Variants in USH2A observed in about 807,000 individuals in gnomAD.
The protein encoded by USH2A is Usher syndrome 2A (autosomal recessive, mild).
In USH2A, 443 loss-of-function variants were observed where a neutral mutation model predicts 538.9. The ratio of observed to expected loss-of-function variants is 0.82; its 90% confidence interval spans 0.76 to 0.89. USH2A has a LOEUF of 0.89. USH2A is among the 40% of genes least tolerant of loss of function. USH2A has a pLI of 0.00. For synonymous variants in USH2A, 2,413 were observed against 2,273.5 expected, an observed-to-expected ratio of 1.06 and a Z score of -1.75; for missense variants, 6,633 against 6,324.8, an observed-to-expected ratio of 1.05 and a Z score of -1.65.
chr1:216,037,691 CTTTTA>C (rs1201951154), intron 32 of USH2A, among the ~76,000 whole-genome samples: 3 of 151,778 alleles, frequency 2.0e-5, no homozygotes, highest in Admixed American at 6.6e-5. Flanking sequence ...TTTTTTTTAA[CTTTTA>C]TTTTAAGTTT....
At chr1:216,282,640 G>A (rs1402968616) in intron 11 of USH2A, among the ~76,000 whole-genome samples, 2 of 152,120 alleles carry the variant, frequency 1.3e-5, no homozygotes, top group Non-Finnish European at 2.9e-5. Context: ...AGTAAATTTT[G>A]AAATTGGGAA....
At chr1:216,144,831 A>G (rs1186294811) in intron 21 of USH2A, among the ~76,000 whole-genome samples, 1 of 152,170 alleles carries the variant, frequency 6.6e-6, no homozygotes, top group South Asian at 2.1e-4. Context: ...TCTGTCCCTA[A>G]CCCTGAGTCC....
intron 14 of USH2A, among the ~76,000 whole-genome samples, chr1:216,228,108 G>T (rs985726904): frequency 3.9e-5 from 6 of 152,172 alleles, no homozygotes; most frequent in Non-Finnish European, 8.8e-5. Flanking sequence ...GTTATGTGAG[G>T]CTTCCAGGGT....
intron 9 of USH2A, among the ~76,000 whole-genome samples, chr1:216,319,252 G>C (rs1392555617): frequency 6.6e-6 from 1 of 152,142 alleles, no homozygotes; most frequent in African/African-American, 2.4e-5. Flanking sequence ...AAAGAAGACA[G>C]TAGAAAAATA....
At chr1:216,336,260 T>A (rs2037972193) in intron 4 of USH2A, among the ~76,000 whole-genome samples, 1 of 151,406 alleles carries the variant, frequency 6.6e-6, no homozygotes, top group Admixed American at 6.6e-5. Flanking sequence ...AACTTCCTCA[T>A]CTAATAAAGG....
chr1:215,829,277 G>A lies in USH2A; in HGVS notation c.9371+8714C>T, dbSNP rs139853503. The stretch of plus-strand genomic sequence containing the variant: ...GGAATCTTTGGTTTATATATAAGAG[G>A]AAAAACATGCATAAGGGCTTGTACT... On this transcript the variant is annotated intron_variant, in intron 47 of 71. Coordinates refer to ENST00000307340, the MANE Select transcript of USH2A (RefSeq NM_206933.4). Among the ~76,000 whole-genome samples the A allele has an allele frequency of 2.1e-3, 326 of 152,236 alleles. 1 individual carries two copies. Among genetic ancestry groups the A allele is most frequent in the African/African-American group, 7.4e-3 (309 of 41,542 alleles).
chr1:215,960,647 T>C (rs550113493), intron 37 of USH2A, among the ~76,000 whole-genome samples: 2 of 152,198 alleles, frequency 1.3e-5, no homozygotes, highest in Non-Finnish European at 2.9e-5. Flanking sequence ...TAGAATCCCA[T>C]AGAAAAGTGC....
intron 61 of USH2A, among the ~76,000 whole-genome samples, chr1:215,692,644 G>C (rs1251593450): frequency 6.6e-6 from 1 of 152,082 alleles, no homozygotes; most frequent in Non-Finnish European, 1.5e-5. Context: ...TTAGCTCTTT[G>C]CATAGATAAA....
chr1:215,932,322 T>A (rs1266356271), intron 38 of USH2A, among the ~76,000 whole-genome samples: 2 of 152,060 alleles, frequency 1.3e-5, no homozygotes, highest in Non-Finnish European at 2.9e-5. Context: ...CACAGTTCAC[T>A]GGACAAAGGC....
intron 35 of USH2A, among the ~76,000 whole-genome samples, chr1:215,987,063 A>G (rs993503373): frequency 2.6e-5 from 4 of 152,238 alleles, no homozygotes; most frequent in Non-Finnish European, 5.9e-5. Flanking sequence ...AAAAAAACAC[A>G]TATTCTAATT....
At chr1:215,969,851 A>G (rs1472554768) in intron 36 of USH2A, among the ~76,000 whole-genome samples, 2 of 152,172 alleles carry the variant, frequency 1.3e-5, no homozygotes, top group Admixed American at 6.6e-5. Flanking sequence ...ATTAGCAAAC[A>G]TTGCCAAAAA....
intron 47 of USH2A, among the ~76,000 whole-genome samples, chr1:215,817,703 C>A (rs900564603): frequency 6.6e-6 from 1 of 151,860 alleles, no homozygotes; most frequent in African/African-American, 2.4e-5. Flanking sequence ...TCTTTCTTTC[C>A]GCTAAACATG....
At chr1:215,965,054 T>G (rs1667303818) in intron 37 of USH2A, among the ~76,000 whole-genome samples, 1 of 152,294 alleles carries the variant, frequency 6.6e-6, no homozygotes, top group Non-Finnish European at 1.5e-5. Flanking sequence ...CCTTAGCCTC[T>G]AGAGTTTCTG....
intron 58 of USH2A, among the ~76,000 whole-genome samples, chr1:215,750,291 A>C (rs58310282): frequency 0.058 from 8,751 of 152,172 alleles, 568 homozygotes; most frequent in African/African-American, 0.15. Context: ...TGGAAATTTA[A>C]CATTGGTTGT....
intron 21 of USH2A, among the ~76,000 whole-genome samples, chr1:216,116,638 T>C (rs2033015551): frequency 6.6e-6 from 1 of 152,122 alleles, no homozygotes; most frequent in African/African-American, 2.4e-5. Context: ...AGCAAAACTA[T>C]TTTTCTTGTT....
chr1:216,282,060 T>C (rs1339214441), intron 11 of USH2A, among the ~76,000 whole-genome samples: 1 of 152,110 alleles, frequency 6.6e-6, no homozygotes, highest in African/African-American at 2.4e-5. Context: ...GTTATTTGTC[T>C]TTTGATTATT....
chr1:215,798,292 C>A (rs968132457), intron 50 of USH2A, among the ~76,000 whole-genome samples: 2 of 152,228 alleles, frequency 1.3e-5, no homozygotes. Context: ...TCTTTAAAAG[C>A]CCCACCTCCA....
At chr1:215,861,838 CTTTTTTTTTTTT>C (rs11461966) in intron 44 of USH2A, among the ~76,000 whole-genome samples, 14,014 of 110,406 alleles carry the variant, frequency 0.13, 814 homozygotes, top group East Asian at 0.24. Flanking sequence ...GTAGTTTTCG[CTTTTTTTTTTTT>C]TTTTTTTTGA....
intron 60 of USH2A, 38 bp downstream of exon 60, chr1:215,741,337 C>A: frequency 6.2e-7 from 1 of 1,608,558 alleles, no homozygotes; most frequent in South Asian, 1.1e-5. Flanking sequence ...AGTACGCATT[C>A]TTAAATAACT....
Sources: allele counts gnomAD v4.1 joint callset (sites outside exome capture counted in the v4.1 genomes callset), GRCh38; gene constraint gnomAD v4.1.1; transcripts MANE v1.5; gene names NCBI Gene and HGNC (gene_info 2026-07-23, HGNC 2026-07-21).